Variants in MYO1D observed in about 807,000 individuals in gnomAD.
MYO1D encodes the protein unconventional myosin-Id.
MYO1D carries 83 observed loss-of-function variants against 122.0 expected under a neutral mutation model. That is an observed-to-expected ratio of 0.68 (90% CI 0.57 to 0.82). The LOEUF (loss-of-function observed/expected upper bound fraction) is 0.82, where lower values mean the gene tolerates loss of function less well. MYO1D is among the 40% of genes least tolerant of loss of function. The pLI is 0.00. For missense variants in MYO1D, 1,157 were observed against 1,269.5 expected, an observed-to-expected ratio of 0.91 and a Z score of 1.35; for synonymous variants, 464 against 446.9, an observed-to-expected ratio of 1.04 and a Z score of -0.48.
chr17:32,852,984 C>G (rs1318466773), intron 1 of MYO1D, among the ~76,000 whole-genome samples: 1 of 152,198 alleles, frequency 6.6e-6, no homozygotes, highest in East Asian at 1.9e-4. Context: ...CAAAACTGTA[C>G]AGTCCAGTAC....
At chr17:32,838,426 T>A (rs1468002478) in intron 1 of MYO1D, among the ~76,000 whole-genome samples, 1 of 152,130 alleles carries the variant, frequency 6.6e-6, no homozygotes, top group Non-Finnish European at 1.5e-5. Context: ...ATTTGACCAA[T>A]ATTTACTAAG....
At chr17:32,548,128 T>G (rs1469116898) in intron 21 of MYO1D, among the ~76,000 whole-genome samples, 1 of 152,046 alleles carries the variant, frequency 6.6e-6, no homozygotes, top group Non-Finnish European at 1.5e-5. Context: ...GGCCAAAAGT[T>G]TGTCCTCTAG....
rs144988984 is a variant in MYO1D at position 32,743,549 on chromosome 17, A to T, written c.1613+1662T>A. ...TACTTTCAAAATATCACCCAATCTG[A>T]CCCCTTTTCATTATCTCCATCACTA... is the stretch of plus-strand genomic sequence containing the variant. On this transcript the variant is annotated intron_variant, in intron 13 of 21. Transcript: ENST00000318217. Among the ~76,000 whole-genome samples the T allele has an allele frequency of 2.6e-3, 397 of 151,564 alleles. 1 individual carries two copies. The highest frequency in any genetic ancestry group is 8.7e-3 in the African/African-American group (361 of 41,272).
chr17:32,635,427 G>A (rs539376568), intron 20 of MYO1D, among the ~76,000 whole-genome samples: 6 of 152,240 alleles, frequency 3.9e-5, no homozygotes, highest in East Asian at 3.9e-4. Context: ...GGGGCCAGGC[G>A]TGGTGGCTCA....
intron 21 of MYO1D, among the ~76,000 whole-genome samples, chr17:32,589,313 T>C (rs1249438137): frequency 6.6e-6 from 1 of 152,216 alleles, no homozygotes; most frequent in African/African-American, 2.4e-5. Context: ...CTTCTCACCT[T>C]TGGGAACGTG....
intron 17 of MYO1D, chr17:32,658,589 T>C (rs1016001178): frequency 6.6e-6 from 1 of 152,366 alleles, no homozygotes; most frequent in African/African-American, 2.4e-5. Flanking sequence ...ACAGTTATTT[T>C]CCCCTTTGGC....
In MYO1D at chr17:32,538,466, A is replaced by AT. The variant is rs1429219613; in HGVS notation, c.2865-43552dup. On this transcript the variant is annotated intron_variant, in intron 21 of 21. Transcript: ENST00000318217. ...CACCTGGATAATTATTATTATTATT[A>AT]TTATTTTTTTTTTTGTAGAGATGGG... Among the ~76,000 whole-genome samples, 330 of 134,676 alleles carry AT rather than the reference A, an allele frequency of 2.5e-3. 1 individual carries two copies. The highest frequency in any genetic ancestry group is 0.023 in the Middle Eastern group (6 of 262). The allele number at this position is 134,676 out of a possible 152,430, so 88.4% of individuals were successfully genotyped here. A position where few individuals can be genotyped will look rare whatever the true frequency, so the allele number is the denominator to read the frequency against.
chr17:32,862,233 C>G (rs571784991), intron 1 of MYO1D, among the ~76,000 whole-genome samples: 2 of 152,336 alleles, frequency 1.3e-5, no homozygotes, highest in South Asian at 4.1e-4. Context: ...TCTGCTCTTT[C>G]TCTTCATAGC....
intron 17 of MYO1D, among the ~76,000 whole-genome samples, chr17:32,655,542 T>C (rs1179779842): frequency 5.9e-5 from 9 of 152,066 alleles, no homozygotes; most frequent in African/African-American, 1.5e-4. Flanking sequence ...GTGAGGGAGC[T>C]GGTCATACGG....
chr17:32,623,881 G>A (rs1231037294), intron 20 of MYO1D, among the ~76,000 whole-genome samples: 1 of 152,122 alleles, frequency 6.6e-6, no homozygotes, highest in Non-Finnish European at 1.5e-5. Context: ...TGTATAAGTC[G>A]ATAATCCCAT....
chr17:32,868,030 A>C (rs533172886), intron 1 of MYO1D, among the ~76,000 whole-genome samples: 2 of 152,264 alleles, frequency 1.3e-5, no homozygotes, highest in South Asian at 4.1e-4. Context: ...AATAGTTTAG[A>C]AATCTCTTAA....
rs10692549 is a variant in MYO1D at position 32,837,283 on chromosome 17, C to CTT, written c.95+39493_95+39494dup. On this transcript the variant is annotated intron_variant, in intron 1 of 21. Coordinates refer to ENST00000318217, the MANE Select transcript of MYO1D (RefSeq NM_015194.3). ...TTTTTTTTTTAACTGGGCTGTTTGT[C>CTT]TTTTTTTTTCTTTTGGTAGTTCTTT... Among the ~76,000 whole-genome samples the CTT allele has an allele frequency of 1.5e-4, 20 of 132,716 alleles. 1 individual carries two copies. Among genetic ancestry groups the CTT allele is most frequent in the African/African-American group, 2.8e-4 (10 of 35,744 alleles). The allele number at this position is 132,716 out of a possible 152,430, so 87.1% of individuals were successfully genotyped here. A position where few individuals can be genotyped will look rare whatever the true frequency, so the allele number is the denominator to read the frequency against.
intron 1 of MYO1D, among the ~76,000 whole-genome samples, chr17:32,815,841 A>C (rs2090609041): frequency 6.6e-6 from 1 of 152,242 alleles, no homozygotes; most frequent in Non-Finnish European, 1.5e-5. Flanking sequence ...GTTTCTAGGT[A>C]CATTTTCCTA....
Position 32,605,142 on chromosome 17 carries a change from T to C in MYO1D, c.2809A>G (p.Thr937Ala). Residue 937 changes from threonine (T) to alanine (A), a missense_variant, in exon 21 of 22, where the codon ACC becomes GCC. Transcript: ENST00000318217. The part of the protein sequence containing the change: ...LIVCLFSKQP[T>A]HESRIGELVG... ...AGTTCTCCAATTCGACTCTCATGGG[T>C]TGGCTGTTTGCTGAAGAGGCAGACA... 1 of 1,610,552 alleles carries C rather than the reference T, an allele frequency of 6.2e-7. No homozygotes were observed. Among genetic ancestry groups the C allele is most frequent in the South Asian group, 1.1e-5 (1 of 90,602 alleles).
intron 14 of MYO1D, among the ~76,000 whole-genome samples, chr17:32,735,081 AACACACACACACACACACACACAC>A (rs371150333): frequency 3.6e-5 from 5 of 138,032 alleles, no homozygotes; most frequent in Non-Finnish European, 7.8e-5. Flanking sequence ...ATTCCATCTG[AACACACACACACACACACACACAC>A]ACACACACAC....
intron 1 of MYO1D, among the ~76,000 whole-genome samples, chr17:32,852,694 A>G (rs1164632716): frequency 6.6e-6 from 1 of 152,184 alleles, no homozygotes; most frequent in African/African-American, 2.4e-5. Flanking sequence ...GAATTGAATT[A>G]TGGGTGAATA....
Position 32,493,727 on chromosome 17 carries a change from C to A in MYO1D, c.*1032G>T, listed in dbSNP as rs1282508498. On this transcript the variant is annotated 3_prime_UTR_variant, in exon 22 of 22. Transcript: ENST00000318217. Reference sequence around the variant, plus strand: ...TTCACGGGCGCAGGCCCCAAGGGGCCGTGTAGAGGGCGGGGTGGGCATCCT... The same window carrying A: ...TTCACGGGCGCAGGCCCCAAGGGGCAGTGTAGAGGGCGGGGTGGGCATCCT... 1 of 152,284 alleles carries A rather than the reference C, an allele frequency of 6.6e-6. No homozygotes were observed. The highest frequency in any genetic ancestry group is 1.5e-5 in the Non-Finnish European group (1 of 68,086). The allele number at this position is 152,284 out of a possible 1,614,324, so 9.4% of individuals were successfully genotyped here.
intron 13 of MYO1D, among the ~76,000 whole-genome samples, chr17:32,744,175 T>A (rs2089804942): frequency 6.6e-6 from 1 of 152,144 alleles, no homozygotes; most frequent in African/African-American, 2.4e-5. Context: ...GGCCTTGCTG[T>A]CAATACACTC....
chr17:32,543,119 G>C (rs960752641), intron 21 of MYO1D, among the ~76,000 whole-genome samples: 1 of 151,308 alleles, frequency 6.6e-6, no homozygotes, highest in Non-Finnish European at 1.5e-5. Context: ...CCAGCTACTC[G>C]GGAGGCTGAG....
Sources: allele counts gnomAD v4.1 joint callset (sites outside exome capture counted in the v4.1 genomes callset), GRCh38; gene constraint gnomAD v4.1.1; transcripts MANE v1.5; gene names NCBI Gene and HGNC (gene_info 2026-07-23, HGNC 2026-07-21).